DLGAP2: variants seen among roughly 807,000 people sequenced by gnomAD.
DLGAP2 encodes the protein disks large-associated protein 2.
DLGAP2 carries 26 observed loss-of-function variants against 100.3 expected under a neutral mutation model. The ratio of observed to expected loss-of-function variants is 0.26; its 90% confidence interval spans 0.19 to 0.36. The LOEUF is 0.36. Ranked by LOEUF, DLGAP2 falls within the 10% of genes least tolerant of loss-of-function variation. The pLI is 1.00. For synonymous variants in DLGAP2, 886 were observed against 630.1 expected (o/e 1.41, Z -6.08); for missense variants, 1,858 against 1,453.2 (o/e 1.28, Z -4.53).
At chr8:1,592,032 G>C (rs1391163347) in intron 6 of DLGAP2, among the ~76,000 whole-genome samples, 12 of 152,172 alleles carry the variant, frequency 7.9e-5, no homozygotes, top group Non-Finnish European at 1.3e-4. Context: ...TCTGCTGGGA[G>C]CTGGGGCAGT....
intron 3 of DLGAP2, among the ~76,000 whole-genome samples, chr8:1,341,803 C>A (rs1208584894): frequency 6.6e-6 from 1 of 152,218 alleles, no homozygotes; most frequent in Non-Finnish European, 1.5e-5. Flanking sequence ...AGGGTCCCTC[C>A]ATCTGCAGGC....
chr8:1,387,173 G>A (rs561605179), intron 3 of DLGAP2, among the ~76,000 whole-genome samples: 10 of 152,172 alleles, frequency 6.6e-5, no homozygotes, highest in South Asian at 2.1e-4. Context: ...GAAAACAGCC[G>A]GAGGAGGTGA....
chr8:1,235,333 CGCCGTGTCT>C (rs1798626991), intron 2 of DLGAP2, among the ~76,000 whole-genome samples: 1 of 149,766 alleles, frequency 6.7e-6, no homozygotes, highest in African/African-American at 2.5e-5. Context: ...TCTCACATGG[CGCCGTGTCT>C]AGTTATCTCA....
intron 3 of DLGAP2, among the ~76,000 whole-genome samples, chr8:1,444,747 G>C (rs370932873): frequency 3.5e-5 from 5 of 143,182 alleles, no homozygotes; most frequent in Admixed American, 3.5e-4. Context: ...GGCATTTCAT[G>C]ATCATGCTTT....
chr8:1,356,971 C>G (rs541659435), intron 3 of DLGAP2, among the ~76,000 whole-genome samples: 3 of 152,238 alleles, frequency 2.0e-5, no homozygotes, highest in Non-Finnish European at 2.9e-5. Flanking sequence ...AGGGCTGAGG[C>G]TGTGCTCATA....
At chr8:1,561,516 C>G (rs61387730) in intron 5 of DLGAP2, among the ~76,000 whole-genome samples, 10,565 of 152,158 alleles carry the variant, frequency 0.069, 440 homozygotes, top group South Asian at 0.11. Context: ...CTGGAACTTC[C>G]CATCCTGTCC....
intron 3 of DLGAP2, among the ~76,000 whole-genome samples, chr8:1,353,408 A>C (rs7017736): frequency 6.6e-6 from 1 of 152,046 alleles, no homozygotes; most frequent in African/African-American, 2.4e-5. Flanking sequence ...TTTCAGTACC[A>C]TGGTCAATGA....
intron 3 of DLGAP2, among the ~76,000 whole-genome samples, chr8:1,482,911 C>T (rs1225852130): frequency 6.6e-6 from 1 of 152,230 alleles, no homozygotes; most frequent in African/African-American, 2.4e-5. Flanking sequence ...GGACAGGGAC[C>T]CAGGAGAAGA....
rs1454294483 is a variant in DLGAP2, at chr8:1,201,275, C to T, written c.74-57576C>T. 4.6e-5 allele frequency among the ~76,000 whole-genome samples: 7 copies of T among 152,310 alleles called. No homozygotes were observed. The East Asian group carries it at 1.2e-3, about 25-fold the overall frequency. On this transcript the variant is annotated intron_variant, in intron 2 of 14. Coordinates refer to ENST00000637795, the MANE Select transcript of DLGAP2 (RefSeq NM_001346810.2). ...GGCTGGCAGGTCCCAACCACAGAGC[C>T]GAAGTCCCCAGCATCCCCGCGCAGG...
At chr8:809,477 T>A (rs973125654) in intron 1 of DLGAP2, among the ~76,000 whole-genome samples, 5 of 150,690 alleles carry the variant, frequency 3.3e-5, no homozygotes, top group African/African-American at 1.2e-4. Context: ...TTTTTGTGGC[T>A]AATTTCATGC....
At chr8:1,435,049 C>A (rs1011704767) in intron 3 of DLGAP2, among the ~76,000 whole-genome samples, 2 of 152,208 alleles carry the variant, frequency 1.3e-5, no homozygotes, top group African/African-American at 2.4e-5. Flanking sequence ...TCAATGGTCA[C>A]TTTGGCTCCG....
chr8:1,529,365 A>G (rs1010992532), intron 4 of DLGAP2, among the ~76,000 whole-genome samples: 1 of 152,182 alleles, frequency 6.6e-6, no homozygotes, highest in African/African-American at 2.4e-5. Flanking sequence ...ATTGAAGATG[A>G]GATTTAGATG....
intron 1 of DLGAP2, among the ~76,000 whole-genome samples, chr8:865,139 C>G (rs1797470384): frequency 6.6e-6 from 1 of 152,198 alleles, no homozygotes; most frequent in Non-Finnish European, 1.5e-5. Context: ...CCTTCCAGAT[C>G]TCCACAGGCT....
At chr8:1,253,999 G>T (rs1585195219) in intron 2 of DLGAP2, among the ~76,000 whole-genome samples, 1 of 152,326 alleles carries the variant, frequency 6.6e-6, no homozygotes, top group African/African-American at 2.4e-5. Context: ...GTTCGCGTTG[G>T]ACGAGAGGTG....
intron 3 of DLGAP2, among the ~76,000 whole-genome samples, chr8:1,307,938 C>G (rs1052972418): frequency 2.1e-5 from 3 of 145,870 alleles, no homozygotes; most frequent in African/African-American, 8.0e-5. Context: ...ATTTTGGAGA[C>G]AATGGCACAA....
chr8:883,534 G>A (rs983813150), intron 1 of DLGAP2, among the ~76,000 whole-genome samples: 1 of 151,834 alleles, frequency 6.6e-6, no homozygotes, highest in Admixed American at 6.6e-5. Context: ...AAAAACCCAG[G>A]ATACATGTAC....
chr8:1,285,610 C>T (rs1335015681), intron 3 of DLGAP2, among the ~76,000 whole-genome samples: 1 of 152,182 alleles, frequency 6.6e-6, no homozygotes, highest in Non-Finnish European at 1.5e-5. Flanking sequence ...ACAATAATCA[C>T]TGCTTTTTCA....
chr8:816,055 C>G (rs1796470540), intron 1 of DLGAP2, among the ~76,000 whole-genome samples: 1 of 152,104 alleles, frequency 6.6e-6, no homozygotes, highest in Non-Finnish European at 1.5e-5. Context: ...TGTCCATTTG[C>G]ATGGAGTATT....
chr8:1,378,060 C>G (rs1326362895), intron 3 of DLGAP2: 1 of 155,132 alleles, frequency 6.4e-6, no homozygotes. Flanking sequence ...TTGCACTGTA[C>G]TCCTGCTGAA....
Sources: gnomAD v4.1 joint callset for allele counts (sites outside exome capture counted in the v4.1 genomes callset) on GRCh38, gnomAD v4.1.1 for gene constraint, MANE v1.5 for transcripts, NCBI Gene and HGNC (gene_info 2026-07-23, HGNC 2026-07-21) for gene names.